The following GUCY1A2 variants were observed in gnomAD, a reference collection of about 807,000 sequenced individuals.
GUCY1A2 encodes the protein guanylate cyclase 1 soluble subunit alpha 2.
GUCY1A2 carries 27 observed loss-of-function variants against 63.5 expected under a neutral mutation model. The ratio of observed to expected loss-of-function variants is 0.43; its 90% CI spans 0.31 to 0.59. GUCY1A2 has a LOEUF of 0.59. GUCY1A2 is among the 20% of genes least tolerant of loss of function. The probability of loss-of-function intolerance (pLI) is 0.11; values close to 1 mark genes in which losing one functional copy is unlikely to be tolerated. For missense variants in GUCY1A2, 768 were observed against 913.3 expected (o/e 0.84, Z 2.05); for synonymous variants, 364 against 343.5 (o/e 1.06, Z -0.66).
chr11:106,895,105 C>A (rs1318678912), intron 4 of GUCY1A2, among the ~76,000 whole-genome samples: 1 of 150,382 alleles, frequency 6.6e-6, no homozygotes, highest in Non-Finnish European at 1.5e-5. Context: ...ACAAGAATAA[C>A]AAAGAAATAC....
chr11:106,814,947 C>T (rs967728678), intron 4 of GUCY1A2, among the ~76,000 whole-genome samples: 2 of 152,048 alleles, frequency 1.3e-5, no homozygotes, highest in South Asian at 2.1e-4. Context: ...AAAAGACAAT[C>T]GATTGACGCC....
intron 4 of GUCY1A2, among the ~76,000 whole-genome samples, chr11:106,862,120 C>A (rs1859521251): frequency 6.6e-6 from 1 of 151,996 alleles, no homozygotes; most frequent in African/African-American, 2.4e-5. Context: ...GTTCTGCCCA[C>A]CCCACTAATA....
chr11:106,815,394 G>T (rs1858817111), intron 4 of GUCY1A2, among the ~76,000 whole-genome samples: 1 of 151,814 alleles, frequency 6.6e-6, no homozygotes, highest in Non-Finnish European at 1.5e-5. Context: ...CTTAAATTTG[G>T]TGAAAGACAT....
Position 106,764,963 on chromosome 11 carries a change from A to G in GUCY1A2, c.1836+11476T>C, listed in dbSNP as rs1864133547. On this transcript the variant is annotated intron_variant, in intron 6 of 7. Coordinates refer to ENST00000526355, the MANE Select transcript of GUCY1A2 (RefSeq NM_000855.3). ...AAGATTAACGAAACTTACTTTGCAG[A>G]TTTTTTTGGGGGGGGGTTGGGGGGC... Among the ~76,000 whole-genome samples, 3 of 39,864 alleles carry G rather than the reference A, an allele frequency of 7.5e-5. No homozygotes were observed. The South Asian group carries it at 3.2e-3, about 43-fold the overall frequency. 26.2% of individuals were successfully genotyped at this position (39,864 alleles called of 152,430 possible).
At chr11:106,896,689 C>G (rs1002386579) in intron 4 of GUCY1A2, among the ~76,000 whole-genome samples, 6 of 152,182 alleles carry the variant, frequency 3.9e-5, no homozygotes, top group African/African-American at 1.4e-4. Flanking sequence ...GAGGATGCAG[C>G]ATTCTTCTCC....
At chr11:106,974,707 C>A (rs963054742) in intron 3 of GUCY1A2, among the ~76,000 whole-genome samples, 1 of 152,062 alleles carries the variant, frequency 6.6e-6, no homozygotes. Flanking sequence ...AGCATTGCTC[C>A]CATTCTGACT....
At chr11:106,888,817 A>T (rs1233835176) in intron 4 of GUCY1A2, among the ~76,000 whole-genome samples, 2 of 152,170 alleles carry the variant, frequency 1.3e-5, no homozygotes, top group East Asian at 3.9e-4. Context: ...AGACATCTTG[A>T]TGTATCCTCC....
chr11:106,844,026 C>T (rs956581202), intron 4 of GUCY1A2, among the ~76,000 whole-genome samples: 2 of 151,800 alleles, frequency 1.3e-5, no homozygotes, highest in African/African-American at 4.8e-5. Flanking sequence ...GAAAAAGACA[C>T]TTGCACATGT....
At chr11:106,855,893 T>TTTTCTTTTTTTTATCA (rs536833371) in intron 4 of GUCY1A2, among the ~76,000 whole-genome samples, 1 of 94,352 alleles carries the variant, frequency 1.1e-5, no homozygotes. Context: ...GTCTCTTGTA[T>TTTTCTTTTTTTTATCA]TTTATTTATT....
In GUCY1A2 at chr11:106,863,604, G is replaced by A. The variant is rs143189686; in HGVS notation, c.1207-53126C>T. Among the ~76,000 whole-genome samples, 1,234 of 152,240 alleles carry A rather than the reference G, an allele frequency of 8.1e-3. 14 individuals are homozygous for A. Among genetic ancestry groups the A allele is most frequent in the African/African-American group, 0.028 (1,177 of 41,536 alleles). ...AGCTTTGTTCTTTTTGCTTAGGATT[G>A]TCTTGGCTATATGGGCTCTTTCTTG... On this transcript the variant is annotated intron_variant, in intron 4 of 7. Transcript: ENST00000526355.
chr11:106,891,786 C>T (rs1439380037), intron 4 of GUCY1A2, among the ~76,000 whole-genome samples: 1 of 152,038 alleles, frequency 6.6e-6, no homozygotes, highest in Non-Finnish European at 1.5e-5. Flanking sequence ...ATGCCAATAC[C>T]ATACTGTGTT....
intron 4 of GUCY1A2, among the ~76,000 whole-genome samples, chr11:106,816,228 G>A (rs1858830479): frequency 7.4e-6 from 1 of 135,648 alleles, no homozygotes; most frequent in Non-Finnish European, 1.6e-5. Flanking sequence ...CCAAATCCTA[G>A]GCCATAAAAA....
At chr11:106,836,496 A>G (rs66472272) in intron 4 of GUCY1A2, among the ~76,000 whole-genome samples, 32,664 of 151,974 alleles carry the variant, frequency 0.21, 4,257 homozygotes, top group Non-Finnish European at 0.3. Context: ...CAGTACGTAT[A>G]AAGTATTTCA....
chr11:106,893,392 A>T (rs968794521), intron 4 of GUCY1A2, among the ~76,000 whole-genome samples: 3 of 152,204 alleles, frequency 2.0e-5, no homozygotes, highest in East Asian at 1.9e-4. Flanking sequence ...CTTTAAAAAA[A>T]AACTTAAAGG....
At chr11:106,988,094 T>C (rs1286819564) in intron 1 of GUCY1A2, among the ~76,000 whole-genome samples, 6 of 152,168 alleles carry the variant, frequency 3.9e-5, no homozygotes. Flanking sequence ...GAGTAAATGG[T>C]ATGCACCTAG....
intron 6 of GUCY1A2, among the ~76,000 whole-genome samples, chr11:106,713,019 C>T (rs2135355485): frequency 6.6e-6 from 1 of 152,242 alleles, no homozygotes; most frequent in East Asian, 1.9e-4. Flanking sequence ...GACCTTTAGC[C>T]TCCTTGGTCT....
intron 6 of GUCY1A2, among the ~76,000 whole-genome samples, chr11:106,712,043 G>A (rs1009952342): frequency 6.6e-6 from 1 of 151,606 alleles, no homozygotes; most frequent in African/African-American, 2.4e-5. Flanking sequence ...TGGGTTTGTT[G>A]AGCTCTTGGA....
intron 4 of GUCY1A2, among the ~76,000 whole-genome samples, chr11:106,847,517 A>G (rs1463864589): frequency 6.6e-6 from 1 of 151,402 alleles, no homozygotes; most frequent in African/African-American, 2.4e-5. Flanking sequence ...CTCCAAGATG[A>G]GGCAAAATAA....
chr11:106,785,100 T>C (rs1864533706), intron 5 of GUCY1A2, among the ~76,000 whole-genome samples: 1 of 152,178 alleles, frequency 6.6e-6, no homozygotes, highest in South Asian at 2.1e-4. Flanking sequence ...TGTGGGTAGC[T>C]TTTTTCTCCA....
Sources: gnomAD v4.1 joint callset for allele counts (sites outside exome capture counted in the v4.1 genomes callset) on GRCh38, gnomAD v4.1.1 for gene constraint, MANE v1.5 for transcripts, NCBI Gene and HGNC (gene_info 2026-07-23, HGNC 2026-07-21) for gene names.